AP1G1: variants seen among roughly 807,000 people sequenced by gnomAD.
The protein encoded by AP1G1 is AP-1 complex subunit gamma-1.
AP1G1 carries 7 observed loss-of-function variants against 108.3 expected under a neutral mutation model. The observed-to-expected ratio is 0.06, with a 90% confidence interval of 0.04 to 0.12. The LOEUF (loss-of-function observed/expected upper bound fraction) is 0.12. AP1G1 is among the 10% of genes least tolerant of loss of function. The pLI is 1.00. For missense variants in AP1G1, 756 were observed against 1,010.7 expected (o/e 0.75, Z 3.42); for synonymous variants, 379 against 353.5 (o/e 1.07, Z -0.81).
chr16:71,736,229 A>C (rs1381989603), intron 21 of AP1G1, among the ~76,000 whole-genome samples: 2 of 148,978 alleles, frequency 1.3e-5, no homozygotes, highest in African/African-American at 2.5e-5. Flanking sequence ...TAAATGTAAG[A>C]TACCAATCGT....
At chr16:71,733,209 A>G in intron 22 of AP1G1, 50 bp from the exon 23 acceptor site, 11 of 1,434,174 alleles carry the variant, frequency 7.7e-6, no homozygotes, top group Non-Finnish European at 1.1e-5. Context: ...TGAAATCTCC[A>G]GAATCTGTCC....
At chr16:71,762,507 C>G (rs910051272) in intron 9 of AP1G1, among the ~76,000 whole-genome samples, 1 of 152,128 alleles carries the variant, frequency 6.6e-6, no homozygotes, top group Non-Finnish European at 1.5e-5. Context: ...ATCCCCCAAC[C>G]TTGGGGAGGG....
chr16:71,785,257 A>C (rs1290629090), intron 2 of AP1G1, among the ~76,000 whole-genome samples: 1 of 152,126 alleles, frequency 6.6e-6, no homozygotes, highest in East Asian at 1.9e-4. Flanking sequence ...CACATACCCA[A>C]GTTGTTTAAA....
At chr16:71,801,240 A>C (rs1411667951) in intron 1 of AP1G1, among the ~76,000 whole-genome samples, 1 of 152,058 alleles carries the variant, frequency 6.6e-6, no homozygotes, top group African/African-American at 2.4e-5. Context: ...CAGGAGGCGG[A>C]GATTCCCACC....
At chr16:71,755,967 T>C in intron 12 of AP1G1, 52 bp downstream of exon 12, 2 of 1,572,036 alleles carry the variant, frequency 1.3e-6, no homozygotes. Flanking sequence ...TTAAAGACAC[T>C]TCCAAAAGTT....
At chr16:71,775,841 C>A (rs538764915) in intron 2 of AP1G1, among the ~76,000 whole-genome samples, 1 of 152,324 alleles carries the variant, frequency 6.6e-6, no homozygotes, top group African/African-American at 2.4e-5. Flanking sequence ...ATTTACATTT[C>A]TTCTTTACAT....
Position 71,789,288 on chromosome 16 carries a change from G to A in AP1G1, c.192C>T (p.His64=). 6.2e-7 allele frequency: 1 copy of A among 1,613,662 alleles called. No homozygotes were observed. ...TCTCAGCCCAGCCTACCTGTCCAAA[G>A]TGAGCAGGGTAGCCCAGCATGTGCA... ...LYMHMLGYPA[H]FGQLECLKLI... Residue 64 remains histidine, a synonymous_variant, in exon 2 of 23, where the codon CAC becomes CAT. Transcript: ENST00000299980.
intron 12 of AP1G1, among the ~76,000 whole-genome samples, chr16:71,754,387 A>G (rs992089116): frequency 2.0e-5 from 3 of 152,156 alleles, no homozygotes; most frequent in African/African-American, 7.2e-5. Flanking sequence ...AAGGAAAAGA[A>G]AAGAGAAGAA....
At chr16:71,747,954 T>C (rs928640019) in intron 16 of AP1G1, among the ~76,000 whole-genome samples, 1 of 152,286 alleles carries the variant, frequency 6.6e-6, no homozygotes, top group Middle Eastern at 3.4e-3. Context: ...CTGCACCCCA[T>C]CCTGGGTAAG....
chr16:71,750,920 G>T (rs1270920914), intron 13 of AP1G1, among the ~76,000 whole-genome samples: 1 of 151,500 alleles, frequency 6.6e-6, no homozygotes, highest in Non-Finnish European at 1.5e-5. Context: ...ACTTTGGGAG[G>T]CCAAGGCGGG....
Position 71,746,983 on chromosome 16 carries a change from T to C in AP1G1, c.1626-291A>G, listed in dbSNP as rs112196637. The C allele has an allele frequency of 3.0e-3, 581 of 192,124 alleles. 9 individuals are homozygous for C. Among genetic ancestry groups the C allele is most frequent in the African/African-American group, 0.013 (552 of 43,056 alleles). The allele number at this position is 192,124 out of a possible 1,614,324, so 11.9% of individuals were successfully genotyped here. On this transcript the variant is annotated intron_variant, in intron 16 of 22. Transcript: ENST00000299980. Reference sequence around the variant, plus strand: ...ATATATATATGCCACTCCCTAAACTTTGCTAGACAAAAGTACCAACTATTA... The same window carrying C: ...ATATATATATGCCACTCCCTAAACTCTGCTAGACAAAAGTACCAACTATTA...
chr16:71,739,235 T>C lies in AP1G1; in HGVS notation c.2106A>G (p.Ala702=). The C allele has an allele frequency of 6.2e-7, 1 of 1,613,026 alleles. No individual in the cohort carries two copies. The highest frequency in any genetic ancestry group is 8.5e-7 in the Non-Finnish European group (1 of 1,179,310). ...SSQPLFNDIA[A]GIPSITAYSK... ...TGATGGTAACAACAGTCATCGTACC[T>C]GCAGCAATATCATTGAAGAGAGGCT... The change falls in exon 20 of 23, where the codon GCA becomes GCG. Residue 702 remains alanine (A), a splice_region_variant and synonymous_variant. Transcript: ENST00000299980.
chr16:71,772,979 G>C (rs1016243012), intron 4 of AP1G1: 3 of 582,854 alleles, frequency 5.1e-6, no homozygotes, highest in Non-Finnish European at 6.3e-6. Context: ...ATACTGTTTA[G>C]AATCAGATAA....
At chr16:71,780,560 C>T (rs2031976359) in intron 2 of AP1G1, among the ~76,000 whole-genome samples, 1 of 150,434 alleles carries the variant, frequency 6.6e-6, no homozygotes, top group Non-Finnish European at 1.5e-5. Context: ...TGAAAACATG[C>T]AATTGAAATT....
intron 1 of AP1G1, chr16:71,807,725 G>T (rs759054414): frequency 2.0e-6 from 2 of 975,958 alleles, no homozygotes; most frequent in Non-Finnish European, 2.8e-6. Flanking sequence ...CAAAGTTAAG[G>T]TCACTAAGAA....
chr16:71,780,352 C>T (rs929436743), intron 2 of AP1G1, among the ~76,000 whole-genome samples: 13 of 151,870 alleles, frequency 8.6e-5, no homozygotes, highest in African/African-American at 2.4e-4. Flanking sequence ...ATCAGCCAGG[C>T]GTGGTGGCAT....
intron 2 of AP1G1, among the ~76,000 whole-genome samples, chr16:71,784,966 T>C (rs2032148366): frequency 6.7e-6 from 1 of 149,346 alleles, no homozygotes; most frequent in South Asian, 2.2e-4. Context: ...CCATACTAGA[T>C]ACTGTAGTAA....
chr16:71,797,217 A>G (rs1242133211), intron 1 of AP1G1, among the ~76,000 whole-genome samples: 2 of 152,014 alleles, frequency 1.3e-5, no homozygotes, highest in African/African-American at 4.8e-5. Flanking sequence ...CAAATTCTCA[A>G]AACGAAAATT....
chr16:71,808,688 G>A (rs1404169083), intron 1 of AP1G1, 75 bp downstream of exon 1: 9 of 1,286,248 alleles, frequency 7.0e-6, no homozygotes, highest in African/African-American at 1.5e-5. Flanking sequence ...CTGAAAGGAA[G>A]CTTCCGGTCG....
Sources: gnomAD v4.1 joint callset for allele counts (sites outside exome capture counted in the v4.1 genomes callset) on GRCh38, gnomAD v4.1.1 for gene constraint, MANE v1.5 for transcripts, NCBI Gene and HGNC (gene_info 2026-07-23, HGNC 2026-07-21) for gene names.